Variants in SPRYD3 observed in about 807,000 individuals in gnomAD.
SPRYD3 encodes SPRY domain containing 3, also known as SPRY domain-containing protein 3.
Under a neutral mutation model 50.1 loss-of-function variants are expected in SPRYD3, and 17 were observed. The ratio of observed to expected loss-of-function variants is 0.34; its 90% CI spans 0.23 to 0.51. The LOEUF (loss-of-function observed/expected upper bound fraction) is 0.51. Ranked by LOEUF, SPRYD3 falls within the 20% of genes least tolerant of loss-of-function variation. SPRYD3 has a pLI of 0.97. For missense variants in SPRYD3, 401 were observed against 591.2 expected, an observed-to-expected ratio of 0.68 and a Z score of 3.34; for synonymous variants, 198 against 215.5, an observed-to-expected ratio of 0.92 and a Z score of 0.71.
intron 6 of SPRYD3, 30 bp downstream of exon 6, chr12:53,073,256 G>GCCCCCGGGGGGGGGGGGGGCCCCCCCCCC: frequency 7.1e-6 from 3 of 424,134 alleles, no homozygotes; most frequent in East Asian, 3.8e-5. Context: ...CTCCGACCCA[G>GCCCCCGGGGGGGGGGGGGGCCCCCCCCCC]CCCCTCCCAC....
At chr12:53,073,652 G>A (rs528835861) in intron 5 of SPRYD3, among the ~76,000 whole-genome samples, 181 bp from the exon 6 acceptor site, 12 of 152,134 alleles carry the variant, frequency 7.9e-5, no homozygotes, top group African/African-American at 2.9e-4. Context: ...AAACCATCCT[G>A]GCTAACACGG....
chr12:53,076,250 C>T (rs1944588041), intron 2 of SPRYD3, among the ~76,000 whole-genome samples: 1 of 152,244 alleles, frequency 6.6e-6, no homozygotes, highest in Admixed American at 6.5e-5. Flanking sequence ...TCAGTTCCCA[C>T]TCCTCAGCTT....
At chr12:53,078,339 A>G (rs554239822) in intron 1 of SPRYD3, among the ~76,000 whole-genome samples, 36 of 152,006 alleles carry the variant, frequency 2.4e-4, no homozygotes, top group Non-Finnish European at 3.5e-4. Flanking sequence ...ATACAAACAA[A>G]TTAGCCAGGC....
In SPRYD3 at chr12:53,067,796, C is replaced by G. The variant is rs949171442; in HGVS notation, c.844-91G>C. The G allele has an allele frequency of 1.7e-5, 21 of 1,231,956 alleles. No homozygotes were observed. The Admixed American group carries it at 3.3e-4, about 19-fold the overall frequency. The allele number at this position is 1,231,956 out of a possible 1,614,324, so 76.3% of individuals were successfully genotyped here. A position where few individuals can be genotyped will look rare whatever the true frequency, so the allele number is the denominator to read the frequency against. On this transcript the variant is annotated intron_variant, in intron 7 of 10. Transcript: ENST00000301463. ...GTAGCATCTGAACCTCTGGGACAGA[C>G]CACAGCCCAGAGAGTGCCAACCCTG... is the stretch of plus-strand genomic sequence containing the variant.
rs942842394 is a variant in SPRYD3, at chr12:53,064,616, A to G, written c.*1216T>C. On this transcript the variant is annotated 3_prime_UTR_variant, in exon 11 of 11. Coordinates refer to ENST00000301463, the MANE Select transcript of SPRYD3 (RefSeq NM_032840.3). ...CCATACTGATAAATACGGAAACTCC[A>G]TCTTTATCGGCTGTATAAACATCTC... is the stretch of plus-strand genomic sequence containing the variant. 6.6e-6 allele frequency: 1 copy of G among 152,666 alleles called. No homozygotes were observed. The highest frequency in any genetic ancestry group is 6.5e-5 in the Admixed American group (1 of 15,284). 9.5% of individuals were successfully genotyped at this position (152,666 alleles called of 1,614,324 possible). A position where few individuals can be genotyped will look rare whatever the true frequency, so the allele number is the denominator to read the frequency against.
At position 53,065,486 on chromosome 12, in the gene SPRYD3, T is replaced by C. The variant is rs960702936; in HGVS notation, c.*346A>G. Reference sequence around the variant, plus strand: ...CAAAGCATCATGCCCGAATAGCAGCTGAGATAGGGTGCTCACGCCTCTCCA... The same window carrying C: ...CAAAGCATCATGCCCGAATAGCAGCCGAGATAGGGTGCTCACGCCTCTCCA... On this transcript the variant is annotated 3_prime_UTR_variant, in exon 11 of 11. Coordinates refer to ENST00000301463, the MANE Select transcript of SPRYD3 (RefSeq NM_032840.3). 1.2e-5 allele frequency: 3 copies of C among 247,464 alleles called. No individual in the cohort carries two copies. Among genetic ancestry groups the C allele is most frequent in the Non-Finnish European group, 2.4e-5 (3 of 127,372 alleles). The allele number at this position is 247,464 out of a possible 1,614,324, so 15.3% of individuals were successfully genotyped here.
rs189648136 is a variant in SPRYD3, at chr12:53,065,164, A to G, written c.*668T>C. The G allele has an allele frequency of 6.6e-6, 1 of 152,518 alleles. No individual in the cohort carries two copies. The highest frequency in any genetic ancestry group is 1.9e-4 in the East Asian group (1 of 5,168). 9.4% of individuals were successfully genotyped at this position (152,518 alleles called of 1,614,324 possible). On this transcript the variant is annotated 3_prime_UTR_variant, in exon 11 of 11. Coordinates refer to ENST00000301463, the MANE Select transcript of SPRYD3 (RefSeq NM_032840.3). ...ACAGCCCCTCTCTCTTAAACATGCA[A>G]CAGGCACCCACCCATGTGGGTCCAG...
chr12:53,074,863 T>G lies in SPRYD3; in HGVS notation c.372-79A>C. ...CCCAGCACTGACAGCAGAGGCCTCA[T>G]CCTCATCTTGCTGCTCCTGGTCATT... On this transcript the variant is annotated intron_variant, in intron 4 of 10. Coordinates refer to ENST00000301463, the MANE Select transcript of SPRYD3 (RefSeq NM_032840.3). The surrounding 1 kb of genome is among the most constrained non-coding windows in gnomAD (Gnocchi z 4.6). 2 of 1,536,242 alleles carry G rather than the reference T, an allele frequency of 1.3e-6. No homozygotes were observed. Among genetic ancestry groups the G allele is most frequent in the Non-Finnish European group, 1.8e-6 (2 of 1,117,006 alleles).
rs1358971525 is a variant in SPRYD3, at chr12:53,064,464, G to GGA, written c.*1366_*1367dup. 2.0e-5 allele frequency: 3 copies of GGA among 152,722 alleles called. No individual in the cohort carries two copies. The highest frequency in any genetic ancestry group is 7.2e-5 in the African/African-American group (3 of 41,444). 9.5% of individuals were successfully genotyped at this position (152,722 alleles called of 1,614,324 possible). A position where few individuals can be genotyped will look rare whatever the true frequency, so the allele number is the denominator to read the frequency against. Reference sequence around the variant, plus strand: ...TGCTCAGGCCTGTAGCCAGGCCCATGGAACATATGATTCCCATCCCTGGCC... The same window carrying GGA: ...TGCTCAGGCCTGTAGCCAGGCCCATGGAGAACATATGATTCCCATCCCTGGCC... On this transcript the variant is annotated 3_prime_UTR_variant, in exon 11 of 11. Coordinates refer to ENST00000301463, the MANE Select transcript of SPRYD3 (RefSeq NM_032840.3).
intron 8 of SPRYD3, 41 bp from the exon 9 acceptor site, chr12:53,066,733 G>C: frequency 6.4e-7 from 1 of 1,569,502 alleles, no homozygotes. Context: ...TGAGGAAGGA[G>C]GGCTGACACC....
chr12:53,078,004 G>A, intron 1 of SPRYD3: 1 of 400,016 alleles, frequency 2.5e-6, no homozygotes, highest in Non-Finnish European at 5.2e-6. Flanking sequence ...GGGCAACGTA[G>A]TGAGACCTCA....
intron 6 of SPRYD3, among the ~76,000 whole-genome samples, chr12:53,072,449 A>G (rs1944556727): frequency 6.6e-6 from 1 of 152,218 alleles, no homozygotes; most frequent in Non-Finnish European, 1.5e-5. Context: ...AGGGTGGAGA[A>G]AAAGGCCAGG....
intron 6 of SPRYD3, 134 bp from the exon 7 acceptor site, chr12:53,068,438 G>T: frequency 9.1e-7 from 1 of 1,093,082 alleles, no homozygotes; most frequent in Non-Finnish European, 1.3e-6. Context: ...GAATCCTAGA[G>T]ATACAATGTG....
chr12:53,075,697 A>G, intron 3 of SPRYD3, 39 bp downstream of exon 3: 1 of 1,526,780 alleles, frequency 6.5e-7, no homozygotes, highest in African/African-American at 1.4e-5. Flanking sequence ...CTCACCCCCA[A>G]GCTCACCCCC....
Position 53,073,368 on chromosome 12 carries a change from C to G in SPRYD3, c.611G>C (p.Gly204Ala), listed in dbSNP as rs970458514. The part of the protein sequence containing the change: ...EVRLHLNAEL[G>A]REDDSVMMVD... The stretch of plus-strand genomic sequence containing the variant: ...CATCATGACGCTGTCGTCCTCACGG[C>G]CCAGCTCAGCGTTGAGGTGCAGCCG... Residue 204 changes from glycine (G) to alanine (A), a missense_variant, in exon 6 of 11, where the codon GGC becomes GCC. Transcript: ENST00000301463. 6.3e-7 allele frequency: 1 copy of G among 1,594,014 alleles called. No individual in the cohort carries two copies. The highest frequency in any genetic ancestry group is 8.5e-7 in the Non-Finnish European group (1 of 1,170,322).
chr12:53,065,549 G>A lies in SPRYD3; in HGVS notation c.*283C>T. The A allele has an allele frequency of 2.7e-6, 1 of 377,288 alleles. No homozygotes were observed. The highest frequency in any genetic ancestry group is 5.5e-5 in the South Asian group (1 of 18,028). 23.4% of individuals were successfully genotyped at this position (377,288 alleles called of 1,614,324 possible). On this transcript the variant is annotated 3_prime_UTR_variant, in exon 11 of 11. Coordinates refer to ENST00000301463, the MANE Select transcript of SPRYD3 (RefSeq NM_032840.3). ...CGGTGAGGGAAAGGGGGACCCAGAAGCCCACTGACCAAAGCGAGTGGGACC... is the reference window on the plus strand; with the variant it reads ...CGGTGAGGGAAAGGGGGACCCAGAAACCCACTGACCAAAGCGAGTGGGACC...
Position 53,066,428 on chromosome 12 carries a change from C to A in SPRYD3, c.1080G>T (p.Arg360=), listed in dbSNP as rs778661687. 1 of 1,614,046 alleles carries A rather than the reference C, an allele frequency of 6.2e-7. No homozygotes were observed. The highest frequency in any genetic ancestry group is 8.5e-7 in the Non-Finnish European group (1 of 1,180,038). ...GCAGGTACATGACATTCCGCACGTT[C>A]CGGACGGCCCGGGCAGTCGGAGACA... The part of the protein sequence containing the change: ...VILSPTARAV[R]NVRNVMYLHQ... The change falls in exon 10 of 11, where the codon CGG becomes CGT. Residue 360 remains arginine, a synonymous_variant. Coordinates refer to ENST00000301463, the MANE Select transcript of SPRYD3 (RefSeq NM_032840.3).
intron 6 of SPRYD3, among the ~76,000 whole-genome samples, chr12:53,072,314 A>T (rs1032690314): frequency 4.6e-5 from 7 of 152,046 alleles, no homozygotes; most frequent in Non-Finnish European, 8.8e-5. Flanking sequence ...ACTTCCTGTC[A>T]TTTTCCCTGA....
rs974320949 is a variant in SPRYD3 at position 53,065,707 on chromosome 12, G to C, written c.*125C>G. On this transcript the variant is annotated 3_prime_UTR_variant, in exon 11 of 11. Transcript: ENST00000301463. ...AGCGTGACAGGGGCCTGAGCCAGTG[G>C]GGGCAGAGTGACTACACACCTCCAG... 2.0e-6 allele frequency: 2 copies of C among 994,536 alleles called. No homozygotes were observed. Among genetic ancestry groups the C allele is most frequent in the Non-Finnish European group, 3.0e-6 (2 of 660,878 alleles). The allele number at this position is 994,536 out of a possible 1,614,324, so 61.6% of individuals were successfully genotyped here.
Sources: gnomAD v4.1 joint callset for allele counts (sites outside exome capture counted in the v4.1 genomes callset) on GRCh38, gnomAD v4.1.1 for gene constraint, Gnocchi (gnomAD v3.1) non-coding constraint, MANE v1.5 for transcripts, NCBI Gene and HGNC (gene_info 2026-07-23, HGNC 2026-07-21) for gene names.